VAT1L: variants seen among roughly 807,000 people sequenced by gnomAD.
VAT1L encodes vesicle amine transport 1 like.
VAT1L carries 34 observed loss-of-function variants against 44.1 expected under a neutral mutation model. That is an observed-to-expected ratio of 0.77 (90% CI 0.59 to 1.03). The LOEUF (loss-of-function observed/expected upper bound fraction) is 1.03, where lower values mean the gene tolerates loss of function less well. VAT1L is among the 50% of genes least tolerant of loss of function. The pLI is 0.00. For synonymous variants in VAT1L, 253 were observed against 202.2 expected (o/e 1.25, Z -2.13); for missense variants, 615 against 538.8 (o/e 1.14, Z -1.40).
At chr16:77,900,597 A>G (rs1057032789) in intron 7 of VAT1L, among the ~76,000 whole-genome samples, 1 of 151,520 alleles carries the variant, frequency 6.6e-6, no homozygotes, top group African/African-American at 2.4e-5. Context: ...TAGGAGGCTG[A>G]GGCGCGAGAA....
chr16:77,950,409 A>AAACAC (rs1457680303), intron 7 of VAT1L, among the ~76,000 whole-genome samples: 1 of 131,432 alleles, frequency 7.6e-6, no homozygotes, highest in East Asian at 2.3e-4. Flanking sequence ...ATTCCATCTA[A>AAACAC]ACACACACAC....
chr16:77,837,371 G>A (rs1053756801), intron 3 of VAT1L, among the ~76,000 whole-genome samples: 8 of 152,148 alleles, frequency 5.3e-5, no homozygotes, highest in African/African-American at 1.7e-4. Flanking sequence ...TTAAACCTCA[G>A]GCTGCTGTGT....
At chr16:77,828,879 C>T (rs564362809) in intron 3 of VAT1L, among the ~76,000 whole-genome samples, 20 of 152,024 alleles carry the variant, frequency 1.3e-4, no homozygotes, top group Non-Finnish European at 2.6e-4. Context: ...TTTAGCCGAG[C>T]GAAACCCATT....
intron 7 of VAT1L, among the ~76,000 whole-genome samples, chr16:77,938,980 C>A (rs968737279): frequency 6.6e-5 from 10 of 152,080 alleles, no homozygotes; most frequent in African/African-American, 2.4e-4. Flanking sequence ...GATCTTCTGT[C>A]TACTCCAGGA....
chr16:77,815,432 G>C (rs1007089497), intron 1 of VAT1L, among the ~76,000 whole-genome samples: 1 of 152,170 alleles, frequency 6.6e-6, no homozygotes, highest in South Asian at 2.1e-4. Context: ...ATGCCTTCAA[G>C]GAGGTTGCAC....
intron 7 of VAT1L, among the ~76,000 whole-genome samples, chr16:77,942,786 C>A (rs887919990): frequency 6.6e-6 from 1 of 151,958 alleles, no homozygotes; most frequent in East Asian, 1.9e-4. Flanking sequence ...ACTCTGTCAC[C>A]CAGGCTAGAG....
intron 7 of VAT1L, among the ~76,000 whole-genome samples, chr16:77,894,052 G>A (rs1416844790): frequency 6.6e-6 from 1 of 152,164 alleles, no homozygotes; most frequent in Non-Finnish European, 1.5e-5. Flanking sequence ...AGGTCACACG[G>A]CCAATGCATG....
chr16:77,803,673 C>T (rs1421756233), intron 1 of VAT1L, among the ~76,000 whole-genome samples: 1 of 152,110 alleles, frequency 6.6e-6, no homozygotes, highest in African/African-American at 2.4e-5. Context: ...CCTGCCCGGG[C>T]CTCCCAAAGA....
intron 5 of VAT1L, among the ~76,000 whole-genome samples, chr16:77,878,626 C>G (rs944004597): frequency 2.0e-5 from 3 of 152,170 alleles, no homozygotes; most frequent in African/African-American, 7.2e-5. Context: ...GGAGCTGACA[C>G]ATGGATCACA....
intron 4 of VAT1L, among the ~76,000 whole-genome samples, chr16:77,875,009 T>A (rs1269433466): frequency 6.6e-6 from 1 of 152,332 alleles, no homozygotes; most frequent in Middle Eastern, 3.4e-3. Flanking sequence ...AGGATTGCAA[T>A]CTTTGTTTTA....
chr16:77,804,672 C>CT (rs2016123903), intron 1 of VAT1L, among the ~76,000 whole-genome samples: 1 of 152,184 alleles, frequency 6.6e-6, no homozygotes, highest in Non-Finnish European at 1.5e-5. Context: ...GGATTCTACG[C>CT]TTTCCCCTCT....
At chr16:77,968,019 G>A (rs191410497) in intron 7 of VAT1L, among the ~76,000 whole-genome samples, 1 of 152,098 alleles carries the variant, frequency 6.6e-6, no homozygotes, top group African/African-American at 2.4e-5. Flanking sequence ...GAGCATCAGG[G>A]TACATTATCT....
intron 3 of VAT1L, among the ~76,000 whole-genome samples, chr16:77,834,434 A>G (rs535069061): frequency 1.4e-4 from 21 of 152,230 alleles, no homozygotes; most frequent in Admixed American, 2.0e-4. Context: ...CTGAGTTTGG[A>G]CCAACGAAAC....
At chr16:77,837,921 C>G (rs2016657426) in intron 3 of VAT1L, among the ~76,000 whole-genome samples, 1 of 152,132 alleles carries the variant, frequency 6.6e-6, no homozygotes, top group South Asian at 2.1e-4. Flanking sequence ...CAATATTACC[C>G]AGCGATACTT....
Position 77,847,453 on chromosome 16 carries a change from G to A in VAT1L, c.580-15295G>A, listed in dbSNP as rs7202242. ...TGCTAGCTGTGTACTTCAAAACTTC[G>A]GCAAAGTGCACCACCATATTTTAAC... On this transcript the variant is annotated intron_variant, in intron 3 of 8. Coordinates refer to ENST00000302536, the MANE Select transcript of VAT1L (RefSeq NM_020927.3). Among the ~76,000 whole-genome samples the A allele has an allele frequency of 3.6e-3, 555 of 152,204 alleles. 2 individuals are homozygous for A. Among genetic ancestry groups the A allele is most frequent in the African/African-American group, 0.012 (507 of 41,526 alleles).
At chr16:77,869,232 C>T (rs113804540) in intron 4 of VAT1L, among the ~76,000 whole-genome samples, 7 of 152,272 alleles carry the variant, frequency 4.6e-5, no homozygotes, top group East Asian at 1.9e-4. Context: ...GAGACCAAGA[C>T]GTCTTTTCCT....
chr16:77,860,128 G>C lies in VAT1L; in HGVS notation c.580-2620G>C, dbSNP rs143314274. On this transcript the variant is annotated intron_variant, in intron 3 of 8. Coordinates refer to ENST00000302536, the MANE Select transcript of VAT1L (RefSeq NM_020927.3). The stretch of plus-strand genomic sequence containing the variant: ...GAGAAAGGCCTGGAATAGATCTTTC[G>C]CTCACATCCCTCAGAAGGAACCAAC... 2.5e-3 allele frequency among the ~76,000 whole-genome samples: 378 copies of C among 152,242 alleles called. 1 individual carries two copies. The highest frequency in any genetic ancestry group is 3.2e-3 in the Non-Finnish European group (220 of 68,014).
intron 3 of VAT1L, among the ~76,000 whole-genome samples, chr16:77,861,494 C>T (rs1263739359): frequency 2.0e-5 from 3 of 152,198 alleles, no homozygotes; most frequent in African/African-American, 7.2e-5. Flanking sequence ...TCTCTATATG[C>T]CTGGACATCT....
At chr16:77,916,365 C>G (rs1406123158) in intron 7 of VAT1L, among the ~76,000 whole-genome samples, 1 of 152,210 alleles carries the variant, frequency 6.6e-6, no homozygotes, top group Non-Finnish European at 1.5e-5. Context: ...AGAATTCAGG[C>G]CCTACCTGAG....
Sources: allele counts gnomAD v4.1 joint callset (sites outside exome capture counted in the v4.1 genomes callset), GRCh38; gene constraint gnomAD v4.1.1; transcripts MANE v1.5; gene names NCBI Gene and HGNC (gene_info 2026-07-23, HGNC 2026-07-21).